PATL2: variants seen among roughly 807,000 people sequenced by gnomAD.
PATL2 encodes PAT1 homolog 2.
In PATL2, 73 loss-of-function variants were observed where a neutral mutation model predicts 77.0. The observed-to-expected ratio is 0.95, with a 90% CI of 0.78 to 1.15. The LOEUF (loss-of-function observed/expected upper bound fraction) is 1.15, where lower values mean the gene tolerates loss of function less well. PATL2 is among the 50% of genes most tolerant of loss of function. PATL2 has a pLI of 0.00. For missense variants in PATL2, 618 were observed against 655.4 expected, an observed-to-expected ratio of 0.94 and a Z score of 0.62; for synonymous variants, 265 against 257.1, an observed-to-expected ratio of 1.03 and a Z score of -0.29.
At chr15:44,674,487 C>T (rs1237905870) in intron 5 of PATL2, 3 of 420,080 alleles carry the variant, frequency 7.1e-6, no homozygotes, top group Non-Finnish European at 1.3e-5. Flanking sequence ...CCAAGGGATG[C>T]CTAGAACTGG....
chr15:44,694,564 C>T (rs1196217192), intron 3 of PATL2, among the ~76,000 whole-genome samples: 6 of 152,088 alleles, frequency 3.9e-5, no homozygotes, highest in South Asian at 2.1e-4. Flanking sequence ...TGGCATGAGA[C>T]GACAAACCCT....
chr15:44,667,073 T>G (rs1244557670), intron 16 of PATL2, 33 bp downstream of exon 16: 1 of 1,470,818 alleles, frequency 6.8e-7, no homozygotes, highest in Non-Finnish European at 9.3e-7. Context: ...CCGAGGGTAC[T>G]AGATAGTATT....
intron 3 of PATL2, among the ~76,000 whole-genome samples, chr15:44,706,992 C>A (rs1252372411): frequency 6.6e-6 from 1 of 152,156 alleles, no homozygotes; most frequent in African/African-American, 2.4e-5. Flanking sequence ...ACTTTTCCCT[C>A]CCCTTTCCAC....
At chr15:44,696,412 T>G (rs4099) in intron 3 of PATL2, among the ~76,000 whole-genome samples, 15,302 of 152,278 alleles carry the variant, frequency 0.1, 811 homozygotes, top group African/African-American at 0.11. Context: ...AATAATACAT[T>G]TAAAATTATG....
chr15:44,686,317 A>G (rs1005561012), intron 3 of PATL2, among the ~76,000 whole-genome samples: 4 of 152,224 alleles, frequency 2.6e-5, no homozygotes, highest in Non-Finnish European at 5.9e-5. Flanking sequence ...TACTGGGTAA[A>G]TAACAATATT....
chr15:44,695,453 GA>G (rs2086484332), intron 3 of PATL2, among the ~76,000 whole-genome samples: 1 of 152,150 alleles, frequency 6.6e-6, no homozygotes, highest in South Asian at 2.1e-4. Context: ...TGGCCAAGGG[GA>G]AAGTTCATTT....
chr15:44,700,849 C>A (rs1040483438), intron 3 of PATL2, among the ~76,000 whole-genome samples: 6 of 152,076 alleles, frequency 3.9e-5, no homozygotes, highest in African/African-American at 1.2e-4. Context: ...TGTTCCAGAT[C>A]TTTGAGAAAA....
intron 14 of PATL2, 27 bp from the exon 15 acceptor site, chr15:44,668,509 C>A: frequency 6.5e-7 from 1 of 1,545,456 alleles, no homozygotes; most frequent in Admixed American, 2.0e-5. Context: ...AAGCACCTCC[C>A]AAATTCCACT....
intron 3 of PATL2, among the ~76,000 whole-genome samples, chr15:44,709,006 C>T (rs1039502339): frequency 6.6e-6 from 1 of 152,134 alleles, no homozygotes; most frequent in African/African-American, 2.4e-5. Context: ...TCAAGCAATT[C>T]TCCTGCCTCA....
chr15:44,679,444 T>G (rs2086078453), intron 3 of PATL2, among the ~76,000 whole-genome samples: 1 of 151,864 alleles, frequency 6.6e-6, no homozygotes, highest in Non-Finnish European at 1.5e-5. Flanking sequence ...GCCAGTCTGG[T>G]CTTGAACTCC....
intron 9 of PATL2, 24 bp from the exon 10 acceptor site, chr15:44,670,111 CAAAA>C: frequency 6.5e-7 from 1 of 1,546,476 alleles, no homozygotes; most frequent in South Asian, 1.2e-5. Flanking sequence ...GAATAGGAAA[CAAAA>C]AAACAAAACA....
At chr15:44,711,332 C>T (rs1023740103), upstream of PATL2, 37 of 644,296 alleles carry the variant, frequency 5.7e-5, 1 homozygote, top group Non-Finnish European at 9.7e-5. Flanking sequence ...GCAAACTCAC[C>T]CAGTCTAGTG....
Position 44,667,121 on chromosome 15 carries a change from C to T in PATL2, c.1448G>A (p.Ser483Asn). 10 of 1,551,390 alleles carry T rather than the reference C, an allele frequency of 6.4e-6. No individual in the cohort carries two copies. Among genetic ancestry groups the T allele is most frequent in the Non-Finnish European group, 7.8e-6 (9 of 1,146,724 alleles). The change falls in exon 16 of 18, where the codon AGT becomes AAT. Residue 483 changes from serine to asparagine, a missense_variant. Ser to Asn is a conservative substitution (Grantham distance 46). Coordinates refer to ENST00000682850, the MANE Select transcript of PATL2 (RefSeq NM_001387263.1). ...ATGATCTTACCAAGCTGTATGGTCACTGTTGGGTTCCTCTAGGGAAGAATG... is the reference window on the plus strand; with the variant it reads ...ATGATCTTACCAAGCTGTATGGTCATTGTTGGGTTCCTCTAGGGAAGAATG... ...SLHSSLEEPN[S>N]DHTAWTDMVV...
Position 44,675,670 on chromosome 15 carries a change from G to C in PATL2, c.38C>G (p.Pro13Arg), listed in dbSNP as rs1196082304. ...CACCAGCTCCTCCTCAGAAGCCAAG[G>C]GGCCACAGGTCTTACCTGGCCCTTG... is the stretch of plus-strand genomic sequence containing the variant. ...CLEGPGKTCG[P>R]LASEEELVSA... is the part of the protein sequence containing the mutation. Residue 13 changes from proline (P) to arginine (R), a missense_variant, in exon 5 of 18, where the codon CCC (proline) becomes CGC (arginine). By Grantham distance (103) the Pro-to-Arg change is moderately radical. Transcript: ENST00000682850. 57 of 1,550,632 alleles carry C rather than the reference G, an allele frequency of 3.7e-5. No individual in the cohort carries two copies. Among genetic ancestry groups the C allele is most frequent in the Non-Finnish European group, 4.8e-5 (55 of 1,146,462 alleles).
chr15:44,669,728 C>T (rs764249569), intron 11 of PATL2, 49 bp downstream of exon 11: 2 of 1,541,404 alleles, frequency 1.3e-6, no homozygotes, highest in South Asian at 2.4e-5. Context: ...TGTTCTAGAC[C>T]CTTCTTCCAA....
chr15:44,704,706 T>C (rs1001058249), intron 3 of PATL2, among the ~76,000 whole-genome samples: 1 of 152,232 alleles, frequency 6.6e-6, no homozygotes, highest in Non-Finnish European at 1.5e-5. Flanking sequence ...CCAGTGAGTT[T>C]TACACCTTCA....
chr15:44,695,892 A>T (rs1282595308), intron 3 of PATL2, among the ~76,000 whole-genome samples: 1 of 152,192 alleles, frequency 6.6e-6, no homozygotes, highest in East Asian at 1.9e-4. Context: ...GGAAGAGTTC[A>T]GAAAGATCCA....
intron 3 of PATL2, among the ~76,000 whole-genome samples, chr15:44,682,388 C>T (rs1277607390): frequency 1.3e-5 from 2 of 152,174 alleles, no homozygotes; most frequent in African/African-American, 4.8e-5. Context: ...CACACTGTGT[C>T]GTCATTCTGT....
intron 3 of PATL2, among the ~76,000 whole-genome samples, chr15:44,685,204 A>G (rs1255726063): frequency 6.6e-6 from 1 of 152,226 alleles, no homozygotes; most frequent in Non-Finnish European, 1.5e-5. Flanking sequence ...GGGCAAAATA[A>G]CCGGCTAGCA....
Sources: allele counts gnomAD v4.1 joint callset (sites outside exome capture counted in the v4.1 genomes callset), GRCh38; gene constraint gnomAD v4.1.1; transcripts MANE v1.5; gene names NCBI Gene and HGNC (gene_info 2026-07-23, HGNC 2026-07-21).